PTPRD: variants seen among roughly 807,000 people sequenced by gnomAD.
PTPRD encodes receptor-type tyrosine-protein phosphatase delta.
PTPRD carries 34 observed loss-of-function variants against 214.5 expected under a neutral mutation model. The observed-to-expected ratio is 0.16, with a 90% CI of 0.12 to 0.21. The LOEUF (loss-of-function observed/expected upper bound fraction) is 0.21, where lower values mean the gene tolerates loss of function less well. PTPRD is among the 10% of genes least tolerant of loss of function. The pLI is 1.00. For missense variants in PTPRD, 2,545 were observed against 2,398.7 expected (o/e 1.06, Z -1.27); for synonymous variants, 1,128 against 845.7 (o/e 1.33, Z -5.79).
chr9:10,219,645 A>C (rs558151740), intron 3 of PTPRD, among the ~76,000 whole-genome samples: 1 of 151,920 alleles, frequency 6.6e-6, no homozygotes, highest in East Asian at 1.9e-4. Context: ...TAATCAAATA[A>C]ATTTTTTAAA....
chr9:8,908,384 A>G (rs927187133), intron 11 of PTPRD, among the ~76,000 whole-genome samples: 1 of 152,306 alleles, frequency 6.6e-6, no homozygotes, highest in South Asian at 2.1e-4. Context: ...AAAGAATTGA[A>G]ACCATTCAAA....
In PTPRD at chr9:8,341,261, G is replaced by A. The variant is rs759691127; in HGVS notation, c.4955C>T (p.Ala1652Val). Reference protein sequence around the residue: ...TGMELEFKRLASSKAHTSRFI... With the variant: ...TGMELEFKRLVSSKAHTSRFI... ...CCTTGAGGTGTGAGCTTTTGAGCTG[G>A]CTAGACGCTGTTGAATAGGAAAAAA... Residue 1652 changes from alanine (A) to valine (V), a missense_variant, in exon 41 of 46, where the codon GCC becomes GTC. Ala to Val is a moderately conservative substitution (Grantham distance 64). Coordinates refer to ENST00000381196, the MANE Select transcript of PTPRD (RefSeq NM_002839.4). 2 of 1,588,950 alleles carry A rather than the reference G, an allele frequency of 1.3e-6. No individual in the cohort carries two copies. Among genetic ancestry groups the A allele is most frequent in the East Asian group, 4.5e-5 (2 of 44,630 alleles).
chr9:8,814,918 G>C (rs750053872), intron 11 of PTPRD, among the ~76,000 whole-genome samples: 2 of 152,164 alleles, frequency 1.3e-5, no homozygotes, highest in African/African-American at 4.8e-5. Context: ...CTGGAGAAGA[G>C]CGTTCATATC....
chr9:10,120,109 C>T (rs2098763192), intron 3 of PTPRD, among the ~76,000 whole-genome samples: 1 of 151,840 alleles, frequency 6.6e-6, no homozygotes, highest in Admixed American at 6.6e-5. Context: ...CATAAGAAAA[C>T]AAAATAAAAC....
chr9:10,326,977 C>T (rs1017236447), intron 3 of PTPRD, among the ~76,000 whole-genome samples: 1 of 151,410 alleles, frequency 6.6e-6, no homozygotes, highest in Non-Finnish European at 1.5e-5. Flanking sequence ...AACATCTGCA[C>T]ATCTGACAAT....
At position 8,917,752 on chromosome 9, in the gene PTPRD, G is replaced by C. The variant is rs73422057; in HGVS notation, c.-104+100945C>G. ...TGAAGGATGCACCTATAAATGTGTT[G>C]CACTGCTTTATTCCAGAACATAATT... is the stretch of plus-strand genomic sequence containing the variant. On this transcript the variant is annotated intron_variant, in intron 11 of 45. Coordinates refer to ENST00000381196, the MANE Select transcript of PTPRD (RefSeq NM_002839.4). 3.8e-3 allele frequency among the ~76,000 whole-genome samples: 582 copies of C among 152,224 alleles called. 2 individuals carry two copies. Among genetic ancestry groups the C allele is most frequent in the African/African-American group, 0.013 (551 of 41,536 alleles).
rs555556725 is a variant in PTPRD at position 9,411,627 on chromosome 9, T to C, written c.-236-14145A>G. On this transcript the variant is annotated intron_variant, in intron 8 of 45. Coordinates refer to ENST00000381196, the MANE Select transcript of PTPRD (RefSeq NM_002839.4). ...AGCTAAATTGTTGTATGCTGCGAAG[T>C]TGAAAGGAGGTATTTGCTGTCTGAC... Among the ~76,000 whole-genome samples the C allele has an allele frequency of 1.5e-4, 23 of 152,254 alleles. No homozygotes were observed. The Middle Eastern group carries it at 0.02, about 135-fold the overall frequency.
intron 3 of PTPRD, among the ~76,000 whole-genome samples, chr9:10,138,802 A>T (rs1041738310): frequency 6.6e-6 from 1 of 152,136 alleles, no homozygotes. Context: ...AACAGAAACC[A>T]TATGACCTCA....
chr9:9,984,668 C>G (rs771015218), intron 4 of PTPRD, among the ~76,000 whole-genome samples: 10 of 152,112 alleles, frequency 6.6e-5, no homozygotes, highest in Non-Finnish European at 1.5e-4. Context: ...AGTAGGGGAA[C>G]AGGCACAGCA....
intron 9 of PTPRD, among the ~76,000 whole-genome samples, chr9:9,270,221 T>C (rs1441631560): frequency 2.6e-5 from 4 of 151,288 alleles, no homozygotes; most frequent in Admixed American, 2.6e-4. Flanking sequence ...TATTTTCAAT[T>C]ATGCCTTTAT....
chr9:8,713,290 G>A (rs1597712879), intron 12 of PTPRD: 2 of 699,240 alleles, frequency 2.9e-6, no homozygotes, highest in East Asian at 2.7e-5. Context: ...TGCGGGTGGC[G>A]GCGAGCGCGG....
intron 11 of PTPRD, among the ~76,000 whole-genome samples, chr9:8,775,020 G>A (rs1387740290): frequency 6.6e-6 from 1 of 152,094 alleles, no homozygotes; most frequent in East Asian, 1.9e-4. Flanking sequence ...TTTTGATCGG[G>A]CGCCATGGCC....
intron 12 of PTPRD, among the ~76,000 whole-genome samples, chr9:8,658,578 C>T (rs2096961235): frequency 6.6e-6 from 1 of 151,456 alleles, no homozygotes; most frequent in Non-Finnish European, 1.5e-5. Flanking sequence ...TAGATTCTCT[C>T]ATACGTATCC....
rs117364948 is a variant in PTPRD at position 10,367,961 on chromosome 9, A to G, written c.-599-26944T>C. On this transcript the variant is annotated intron_variant, in intron 2 of 45. Transcript: ENST00000381196. The stretch of plus-strand genomic sequence containing the variant: ...AGCACATTGTTGGTGATCAATGAGT[A>G]ACAGCCATTACTGTTATTATTAATT... 6.8e-3 allele frequency among the ~76,000 whole-genome samples: 1,032 copies of G among 152,258 alleles called. 3 individuals carry two copies. The highest frequency in any genetic ancestry group is 0.011 in the Admixed American group (164 of 15,282).
At chr9:10,464,416 G>GAC (rs1466183755) in intron 2 of PTPRD, among the ~76,000 whole-genome samples, 1 of 150,988 alleles carries the variant, frequency 6.6e-6, no homozygotes, top group Non-Finnish European at 1.5e-5. Context: ...GAGAGACAGA[G>GAC]AGAGAGAGAG....
chr9:9,354,813 T>G (rs2053071203), intron 9 of PTPRD, among the ~76,000 whole-genome samples: 1 of 151,698 alleles, frequency 6.6e-6, no homozygotes, highest in African/African-American at 2.4e-5. Context: ...AGCAAACACA[T>G]GCAAGAAGTG....
intron 35 of PTPRD, among the ~76,000 whole-genome samples, chr9:8,408,391 C>A (rs948200588): frequency 1.3e-5 from 2 of 152,108 alleles, no homozygotes; most frequent in Non-Finnish European, 2.9e-5. Context: ...CTACTCAACT[C>A]TGTCCACCCA....
intron 4 of PTPRD, among the ~76,000 whole-genome samples, chr9:10,012,467 A>G (rs2096621739): frequency 6.6e-6 from 1 of 151,990 alleles, no homozygotes. Context: ...TCCCATCTCA[A>G]AAAAGTCATT....
intron 11 of PTPRD, among the ~76,000 whole-genome samples, chr9:8,853,200 G>A (rs1231542771): frequency 6.6e-6 from 1 of 152,070 alleles, no homozygotes; most frequent in African/African-American, 2.4e-5. Context: ...CCATTGTGAT[G>A]GCATTATTAT....
Sources: gnomAD v4.1 joint callset for allele counts (sites outside exome capture counted in the v4.1 genomes callset) on GRCh38, gnomAD v4.1.1 for gene constraint, MANE v1.5 for transcripts, NCBI Gene and HGNC (gene_info 2026-07-23, HGNC 2026-07-21) for gene names.